RABGAP1L: variants seen among roughly 807,000 people sequenced by gnomAD.
RABGAP1L encodes RAB GTPase activating protein 1 like.
A neutral mutation model predicts 137.7 loss-of-function variants in RABGAP1L; 63 were observed. That is an observed-to-expected ratio of 0.46 (90% CI 0.37 to 0.56). RABGAP1L has a LOEUF of 0.56. RABGAP1L is among the 20% of genes least tolerant of loss of function. The probability of loss-of-function intolerance (pLI) is 0.00; values close to 1 mark genes in which losing one functional copy is unlikely to be tolerated. For synonymous variants in RABGAP1L, 431 were observed against 433.7 expected (o/e 0.99, Z 0.08); for missense variants, 1,095 against 1,244.0 (o/e 0.88, Z 1.80).
intron 1 of RABGAP1L, among the ~76,000 whole-genome samples, chr1:174,169,207 A>G (rs975875151): frequency 2.4e-4 from 37 of 151,692 alleles, no homozygotes; most frequent in African/African-American, 8.2e-4. Flanking sequence ...CATCCCTACC[A>G]TTTGAAAATA....
rs563685589 is a variant in RABGAP1L at position 174,540,861 on chromosome 1, T to C, written c.1711-96514T>C. Among the ~76,000 whole-genome samples the C allele has an allele frequency of 1.9e-3, 296 of 152,362 alleles. 4 individuals are homozygous for C. The highest frequency in any genetic ancestry group is 5.8e-3 in the South Asian group (28 of 4,832). ...CACTGGTAGCTTGATGGGGATGGCA[T>C]TGAATCTATAAATTACCTTGGGCAA... On this transcript the variant is annotated intron_variant, in intron 13 of 25. Transcript: ENST00000681986.
chr1:174,622,031 A>G (rs1672531490), intron 13 of RABGAP1L, among the ~76,000 whole-genome samples: 1 of 152,232 alleles, frequency 6.6e-6, no homozygotes, highest in Admixed American at 6.5e-5. Context: ...ACCCCATCAA[A>G]GAGTGGGCGA....
intron 18 of RABGAP1L, among the ~76,000 whole-genome samples, chr1:174,795,363 A>G (rs1450194804): frequency 5.3e-5 from 8 of 152,162 alleles, no homozygotes; most frequent in African/African-American, 1.9e-4. Flanking sequence ...AGGGATAGCA[A>G]CCTTATAAAT....
chr1:174,193,539 C>T lies in RABGAP1L; in HGVS notation c.-33-25586C>T, dbSNP rs140561762. On this transcript the variant is annotated intron_variant, in intron 1 of 25. Coordinates refer to ENST00000681986, the MANE Select transcript of RABGAP1L (RefSeq NM_001366446.1). ...AGAGCAAGACTCTCAGAAAAAATCC[C>T]CAAAATAGAAAACCTGTCTCCTTAA... Among the ~76,000 whole-genome samples, 566 of 152,158 alleles carry T rather than the reference C, an allele frequency of 3.7e-3. 4 individuals are homozygous for T. Among genetic ancestry groups the T allele is most frequent in the African/African-American group, 0.012 (487 of 41,530 alleles).
chr1:174,613,315 C>G (rs1018601204), intron 13 of RABGAP1L, among the ~76,000 whole-genome samples: 6 of 152,036 alleles, frequency 3.9e-5, no homozygotes, highest in African/African-American at 1.4e-4. Flanking sequence ...TTGTTATGTA[C>G]CCAGTAGTCA....
At chr1:174,682,579 T>A (rs1007632118) in intron 14 of RABGAP1L, among the ~76,000 whole-genome samples, 1 of 151,910 alleles carries the variant, frequency 6.6e-6, no homozygotes, top group Admixed American at 6.5e-5. Context: ...CTAACTCCTA[T>A]TCTTTACCCT....
intron 17 of RABGAP1L, among the ~76,000 whole-genome samples, chr1:174,728,235 T>TA (rs891323556): frequency 6.6e-6 from 1 of 152,242 alleles, no homozygotes; most frequent in African/African-American, 2.4e-5. Context: ...TTTACAGCAT[T>TA]AAAAAATGAA....
At chr1:174,180,831 G>C (rs1371512538) in intron 1 of RABGAP1L, among the ~76,000 whole-genome samples, 1 of 152,046 alleles carries the variant, frequency 6.6e-6, no homozygotes, top group Non-Finnish European at 1.5e-5. Flanking sequence ...ATTTCTTGTT[G>C]TGTTTTAAAA....
chr1:174,327,970 T>TACACAC (rs1288411915), intron 11 of RABGAP1L, among the ~76,000 whole-genome samples: 1 of 15,252 alleles, frequency 6.6e-5, no homozygotes, highest in African/African-American at 4.8e-4. Flanking sequence ...TATATATATA[T>TACACAC]ATATATATAC....
intron 1 of RABGAP1L, among the ~76,000 whole-genome samples, chr1:174,192,508 A>T (rs569846701): frequency 3.3e-5 from 5 of 152,074 alleles, no homozygotes; most frequent in Admixed American, 2.0e-4. Context: ...TTTTTATTAG[A>T]GACAGGGTTT....
At chr1:174,199,549 C>T (rs553482477) in intron 1 of RABGAP1L, among the ~76,000 whole-genome samples, 1 of 152,182 alleles carries the variant, frequency 6.6e-6, no homozygotes, top group Non-Finnish European at 1.5e-5. Context: ...ATTTTGGCTT[C>T]CCAAAGTGCT....
At chr1:174,789,791 T>C (rs1437977392) in intron 18 of RABGAP1L, among the ~76,000 whole-genome samples, 1 of 152,208 alleles carries the variant, frequency 6.6e-6, no homozygotes, top group African/African-American at 2.4e-5. Context: ...TAGAAGAAGC[T>C]GAGACAAGGA....
At chr1:174,532,767 C>G (rs879279185) in intron 13 of RABGAP1L, among the ~76,000 whole-genome samples, 2 of 151,764 alleles carry the variant, frequency 1.3e-5, no homozygotes, top group Admixed American at 6.6e-5. Context: ...TAACGGAATA[C>G]TATAAAGCAG....
At chr1:174,290,848 G>A (rs1052279687) in intron 10 of RABGAP1L, among the ~76,000 whole-genome samples, 21 of 150,314 alleles carry the variant, frequency 1.4e-4, no homozygotes, top group Non-Finnish European at 3.1e-4. Flanking sequence ...TGCAGCCTCT[G>A]CCTCCTGGTT....
chr1:174,664,926 A>G (rs1179398656), intron 14 of RABGAP1L, among the ~76,000 whole-genome samples: 1 of 151,682 alleles, frequency 6.6e-6, no homozygotes, highest in African/African-American at 2.4e-5. Flanking sequence ...TAGTAGAGAC[A>G]GGGTTTCTCC....
intron 19 of RABGAP1L, among the ~76,000 whole-genome samples, chr1:174,888,206 C>T (rs1266805638): frequency 6.6e-6 from 1 of 152,078 alleles, no homozygotes; most frequent in Non-Finnish European, 1.5e-5. Context: ...ATGAAAATAT[C>T]TGTGGTATCT....
intron 17 of RABGAP1L, among the ~76,000 whole-genome samples, chr1:174,744,310 G>T (rs571493796): frequency 9.6e-4 from 146 of 152,100 alleles, no homozygotes; most frequent in African/African-American, 3.3e-3. Flanking sequence ...AAATATTCTT[G>T]CTGTAGAACC....
At chr1:174,799,966 ACACACACACACACT>A (rs1392625933) in intron 18 of RABGAP1L, 5 of 836,878 alleles carry the variant, frequency 6.0e-6, no homozygotes, top group Admixed American at 7.6e-5. Context: ...ACACACACAC[ACACACACACACACT>A]CTCACACATT....
At position 174,554,478 on chromosome 1, in the gene RABGAP1L, A is replaced by G. The variant is rs77932563; in HGVS notation, c.1711-82897A>G. Among the ~76,000 whole-genome samples the G allele has an allele frequency of 4.7e-3, 715 of 152,250 alleles. 6 individuals carry two copies. The highest frequency in any genetic ancestry group is 0.014 in the African/African-American group (593 of 41,556). On this transcript the variant is annotated intron_variant, in intron 13 of 25. Coordinates refer to ENST00000681986, the MANE Select transcript of RABGAP1L (RefSeq NM_001366446.1). ...CTTAGTGTGTCTGTGTCCCCTTGGC[A>G]TTTGTAAATGAGTTCCTTGAAATTT...
Sources: gnomAD v4.1 joint callset for allele counts (sites outside exome capture counted in the v4.1 genomes callset) on GRCh38, gnomAD v4.1.1 for gene constraint, MANE v1.5 for transcripts, NCBI Gene and HGNC (gene_info 2026-07-23, HGNC 2026-07-21) for gene names.